The following CNTN5 variants were observed in gnomAD, a reference collection of about 807,000 sequenced individuals.
CNTN5 encodes the protein contactin-5.
In CNTN5, 77 loss-of-function variants were observed where a neutral mutation model predicts 129.1. The ratio of observed to expected loss-of-function variants is 0.60; its 90% CI spans 0.50 to 0.72. The LOEUF (loss-of-function observed/expected upper bound fraction) is 0.72. Ranked by LOEUF, CNTN5 falls within the 30% of genes least tolerant of loss-of-function variation. CNTN5 has a pLI of 0.00. For missense variants in CNTN5, 1,478 were observed against 1,328.8 expected (o/e 1.11, Z -1.75); for synonymous variants, 509 against 465.6 (o/e 1.09, Z -1.20).
At position 99,621,358 on chromosome 11, in the gene CNTN5, G is replaced by A. The variant is rs78518259; in HGVS notation, c.55+65089G>A. 1.7e-3 allele frequency among the ~76,000 whole-genome samples: 259 copies of A among 152,212 alleles called. 1 individual carries two copies. The East Asian group carries it at 0.033, about 20-fold the overall frequency. On this transcript the variant is annotated intron_variant, in intron 3 of 24. Transcript: ENST00000524871. ...ATAAGCAAAACCAGTGTACTTGACT[G>A]ATGAATATAACCAGATTGTAAATTT...
chr11:100,156,054 G>A (rs1353951345), intron 13 of CNTN5, among the ~76,000 whole-genome samples: 2 of 152,096 alleles, frequency 1.3e-5, no homozygotes, highest in Non-Finnish European at 2.9e-5. Flanking sequence ...AGTAGGAATG[G>A]TGAGAGGGGG....
intron 2 of CNTN5, among the ~76,000 whole-genome samples, chr11:99,408,444 GAAAGAGAA>G (rs781032941): frequency 2.2e-3 from 109 of 49,896 alleles, no homozygotes; most frequent in Non-Finnish European, 3.4e-3. Flanking sequence ...AAGAAAGAAA[GAAAGAGAA>G]AGAAAGAAAG....
intron 3 of CNTN5, among the ~76,000 whole-genome samples, chr11:99,562,591 G>A (rs1948877719): frequency 6.6e-6 from 1 of 152,114 alleles, no homozygotes. Context: ...ATTAGACTAA[G>A]CATAGCATTC....
intron 3 of CNTN5, among the ~76,000 whole-genome samples, chr11:99,806,714 G>C (rs2135501231): frequency 6.6e-6 from 1 of 151,706 alleles, no homozygotes; most frequent in African/African-American, 2.4e-5. Flanking sequence ...GGCTGAGGCA[G>C]GAGAATCCCT....
chr11:100,259,402 A>G (rs1319914267), intron 17 of CNTN5, among the ~76,000 whole-genome samples: 1 of 152,142 alleles, frequency 6.6e-6, no homozygotes, highest in Non-Finnish European at 1.5e-5. Flanking sequence ...CAGAGAATTA[A>G]CAAGGATATT....
At chr11:100,199,463 C>T (rs1197862720) in intron 15 of CNTN5, among the ~76,000 whole-genome samples, 2 of 151,810 alleles carry the variant, frequency 1.3e-5, no homozygotes, top group African/African-American at 4.8e-5. Context: ...CTGTTCCCTC[C>T]CAATCTTTCA....
intron 21 of CNTN5, among the ~76,000 whole-genome samples, chr11:100,315,079 G>A (rs1295565063): frequency 6.6e-6 from 1 of 151,968 alleles, no homozygotes; most frequent in Admixed American, 6.6e-5. Flanking sequence ...CCTCAACTAG[G>A]GTCTTGATCC....
chr11:99,183,184 A>G (rs1858166987), intron 1 of CNTN5, among the ~76,000 whole-genome samples: 1 of 152,156 alleles, frequency 6.6e-6, no homozygotes, highest in African/African-American at 2.4e-5. Context: ...AGATGTCCTT[A>G]GGCTTCTAGA....
At chr11:100,284,963 G>C (rs572288181) in intron 18 of CNTN5, among the ~76,000 whole-genome samples, 13 of 152,166 alleles carry the variant, frequency 8.5e-5, no homozygotes, top group Non-Finnish European at 1.6e-4. Flanking sequence ...GGTGGACATA[G>C]GCAGGAAGTA....
chr11:99,514,167 T>C (rs773413142), intron 2 of CNTN5, among the ~76,000 whole-genome samples: 2 of 151,854 alleles, frequency 1.3e-5, no homozygotes, highest in Non-Finnish European at 2.9e-5. Context: ...AGTAAGAAAA[T>C]TAGAATTATA....
rs200635742 is a variant in CNTN5 at position 99,934,898 on chromosome 11, GTATATATATATATATA to G, written c.673+18784_673+18799del. 4.7e-3 allele frequency among the ~76,000 whole-genome samples: 320 copies of G among 67,898 alleles called. 8 individuals are homozygous for G. The highest frequency in any genetic ancestry group is 0.011 in the South Asian group (24 of 2,284). The allele number at this position is 67,898 out of a possible 152,430, so 44.5% of individuals were successfully genotyped here. A position where few individuals can be genotyped will look rare whatever the true frequency, so the allele number is the denominator to read the frequency against. ...TGTGTGTGTGTGTGTGTGTGTGTGTGTATATATATATATATATATATATATATATATATATATATAT... is the reference window on the plus strand; with the variant it reads ...TGTGTGTGTGTGTGTGTGTGTGTGTGTATATATATATATATATATATATAT... On this transcript the variant is annotated intron_variant, in intron 7 of 24. Coordinates refer to ENST00000524871, the MANE Select transcript of CNTN5 (RefSeq NM_014361.4).
chr11:99,687,966 CT>C (rs1366381402), intron 3 of CNTN5, among the ~76,000 whole-genome samples: 1 of 152,154 alleles, frequency 6.6e-6, no homozygotes, highest in African/African-American at 2.4e-5. Context: ...TGAACTACAG[CT>C]TTGAATAATC....
intron 1 of CNTN5, among the ~76,000 whole-genome samples, chr11:99,055,647 C>T (rs1279877253): frequency 2.0e-5 from 3 of 151,914 alleles, no homozygotes; most frequent in African/African-American, 7.2e-5. Context: ...GTATGGTGTA[C>T]ATTTTAATGC....
rs545006097 is a variant in CNTN5, at chr11:99,294,596, T to TA, written c.-209-30743dup. ...TATTGTTATAAATTTCATATTACCT[T>TA]AAAAAAATCTACAGATCCAGTGCAA... On this transcript the variant is annotated intron_variant, in intron 1 of 24. Transcript: ENST00000524871. Among the ~76,000 whole-genome samples the TA allele has an allele frequency of 5.3e-5, 8 of 152,280 alleles. No individual in the cohort carries two copies. In the East Asian group the frequency reaches 1.2e-3, roughly 22 times the overall value.
At chr11:99,622,137 C>T (rs920001048) in intron 3 of CNTN5, among the ~76,000 whole-genome samples, 9 of 152,156 alleles carry the variant, frequency 5.9e-5, no homozygotes, top group Non-Finnish European at 8.8e-5. Context: ...AAGTGAAAAT[C>T]CTTTTTCATT....
At chr11:99,623,782 A>G (rs1412154826) in intron 3 of CNTN5, among the ~76,000 whole-genome samples, 5 of 151,216 alleles carry the variant, frequency 3.3e-5, no homozygotes, top group African/African-American at 1.2e-4. Context: ...GCACTAAGGT[A>G]TCTGTATTTA....
intron 17 of CNTN5, among the ~76,000 whole-genome samples, chr11:100,262,748 A>G (rs1228710109): frequency 1.3e-5 from 2 of 152,098 alleles, no homozygotes; most frequent in Non-Finnish European, 2.9e-5. Flanking sequence ...AGGAAAACAC[A>G]TGGACACAGG....
chr11:100,210,347 C>CAAAAA, intron 15 of CNTN5, among the ~76,000 whole-genome samples: 1 of 80,912 alleles, frequency 1.2e-5, no homozygotes, highest in Non-Finnish European at 2.4e-5. Context: ...GAGACTATCT[C>CAAAAA]AAAAAAAAAA....
chr11:99,857,149 G>T (rs1488959464), intron 6 of CNTN5, among the ~76,000 whole-genome samples: 2 of 149,858 alleles, frequency 1.3e-5, no homozygotes, highest in Admixed American at 6.7e-5. Flanking sequence ...TTTATTTCTG[G>T]TGACATTTCA....
Sources: gnomAD v4.1 joint callset for allele counts (sites outside exome capture counted in the v4.1 genomes callset) on GRCh38, gnomAD v4.1.1 for gene constraint, MANE v1.5 for transcripts, NCBI Gene and HGNC (gene_info 2026-07-23, HGNC 2026-07-21) for gene names.